The following PCNX1 variants were observed in gnomAD, a reference collection of about 807,000 sequenced individuals.
PCNX1 encodes pecanex-like protein 1.
Under a neutral mutation model 242.2 loss-of-function variants are expected in PCNX1, and 78 were observed. The ratio of observed to expected loss-of-function variants is 0.32; its 90% CI spans 0.27 to 0.39. The LOEUF is 0.39. Among genes scored for constraint, PCNX1 ranks in the 10% least tolerant of loss-of-function variants. The pLI is 1.00. For synonymous variants in PCNX1, 1,024 were observed against 1,032.9 expected, an observed-to-expected ratio of 0.99 and a Z score of 0.17; for missense variants, 2,581 against 2,856.5, an observed-to-expected ratio of 0.90 and a Z score of 2.20.
rs576984227 is a variant in PCNX1 at position 71,031,751 on chromosome 14, C to A, written c.3559-1678C>A. Reference sequence around the variant, plus strand: ...GATGTTTTCTCTCTCACATCAACGACATTTTTGGGAAACTTCTCAGCCTCT... The same window carrying A: ...GATGTTTTCTCTCTCACATCAACGAAATTTTTGGGAAACTTCTCAGCCTCT... On this transcript the variant is annotated intron_variant, in intron 16 of 35. Coordinates refer to ENST00000304743, the MANE Select transcript of PCNX1 (RefSeq NM_014982.3). 8 of 1,262,324 alleles carry A rather than the reference C, an allele frequency of 6.3e-6. No homozygotes were observed. In the African/African-American group the frequency reaches 1.2e-4, roughly 18 times the overall value. 78.2% of individuals were successfully genotyped at this position (1,262,324 alleles called of 1,614,324 possible). A position where few individuals can be genotyped will look rare whatever the true frequency, so the allele number is the denominator to read the frequency against.
intron 16 of PCNX1, chr14:71,031,713 G>T: frequency 1.1e-6 from 1 of 946,648 alleles, no homozygotes; most frequent in Non-Finnish European, 1.7e-6. Flanking sequence ...AGTGGCCTTT[G>T]GCCTTGAACT....
intron 25 of PCNX1, 108 bp downstream of exon 25, chr14:71,055,670 T>C (rs1330701029): frequency 9.7e-6 from 6 of 619,646 alleles, no homozygotes; most frequent in Middle Eastern, 4.2e-4. Flanking sequence ...ATCCCAAATA[T>C]TCACTTTTAA....
rs538338681 is a variant in PCNX1, at chr14:70,942,275, A to C, written c.154-4640A>C. Among the ~76,000 whole-genome samples, 29 of 152,304 alleles carry C rather than the reference A, an allele frequency of 1.9e-4. 1 individual carries two copies. The South Asian group carries it at 6.0e-3, about 32-fold the overall frequency. On this transcript the variant is annotated intron_variant, in intron 1 of 35. Transcript: ENST00000304743. Reference sequence around the variant, plus strand: ...TCTTACAACTAAGAATTTTAAACTCAACTCTTTACAGGTCTAACATATTTT... The same window carrying C: ...TCTTACAACTAAGAATTTTAAACTCCACTCTTTACAGGTCTAACATATTTT...
intron 1 of PCNX1, among the ~76,000 whole-genome samples, chr14:70,923,924 C>A (rs1267992824): frequency 6.6e-6 from 1 of 152,096 alleles, no homozygotes; most frequent in Non-Finnish European, 1.5e-5. Context: ...GCTAATACTT[C>A]TGCAGTTTTG....
chr14:71,056,853 A>G (rs563168520), intron 25 of PCNX1, among the ~76,000 whole-genome samples: 1 of 151,774 alleles, frequency 6.6e-6, no homozygotes, highest in South Asian at 2.1e-4. Context: ...TAATTTTTGT[A>G]TTTTTAGTAG....
chr14:71,008,655 C>CAAAAAAAAAAA (rs777494885), intron 8 of PCNX1, among the ~76,000 whole-genome samples: 1 of 32,752 alleles, frequency 3.1e-5, no homozygotes, highest in Non-Finnish European at 7.7e-5. Flanking sequence ...GACTCTGTCT[C>CAAAAAAAAAAA]AAAAAAAAAA....
intron 12 of PCNX1, among the ~76,000 whole-genome samples, chr14:71,022,791 T>C (rs535934736): frequency 5.3e-5 from 8 of 152,250 alleles, no homozygotes; most frequent in African/African-American, 1.7e-4. Flanking sequence ...AGAATTGTTG[T>C]TATAAGTGAA....
Position 71,007,690 on chromosome 14 carries a change from G to A in PCNX1, c.2630-1944G>A, listed in dbSNP as rs1412239446. On this transcript the variant is annotated intron_variant, in intron 8 of 35. Transcript: ENST00000304743. ...TTTCTCTTAATCTAAGTTTAATTAT[G>A]ATAGCAGCACTAATCATTGATTATC... 6.6e-5 allele frequency among the ~76,000 whole-genome samples: 10 copies of A among 152,018 alleles called. No homozygotes were observed. In the East Asian group the frequency reaches 1.7e-3, roughly 26 times the overall value.
At chr14:71,055,145 C>A (rs748147622) in intron 24 of PCNX1, among the ~76,000 whole-genome samples, 10 of 152,302 alleles carry the variant, frequency 6.6e-5, no homozygotes, top group Non-Finnish European at 1.0e-4. Flanking sequence ...AATACATACA[C>A]CTTCCTTTGG....
intron 8 of PCNX1, among the ~76,000 whole-genome samples, chr14:71,006,224 G>A (rs1473313528): frequency 6.7e-6 from 1 of 150,302 alleles, no homozygotes; most frequent in Non-Finnish European, 1.5e-5. Flanking sequence ...CTGGGCTCAA[G>A]CAGTCCTCCC....
intron 28 of PCNX1, among the ~76,000 whole-genome samples, chr14:71,079,070 A>C (rs531078370): frequency 1.5e-4 from 22 of 151,596 alleles, no homozygotes; most frequent in African/African-American, 4.9e-4. Flanking sequence ...TCATTGTTCA[A>C]CTCCCACTTA....
At chr14:71,073,922 T>C in intron 27 of PCNX1, 124 bp downstream of exon 27, 1 of 565,648 alleles carries the variant, frequency 1.8e-6, no homozygotes, top group East Asian at 3.5e-5. Context: ...AGTACTTATT[T>C]AAATTCTCTA....
At chr14:70,988,093 G>A (rs2059052569) in intron 6 of PCNX1, among the ~76,000 whole-genome samples, 1 of 152,158 alleles carries the variant, frequency 6.6e-6, no homozygotes, top group Admixed American at 6.5e-5. Context: ...TAAACTTACT[G>A]CCTTACTCCT....
chr14:70,968,017 G>A (rs1479499294), intron 3 of PCNX1, among the ~76,000 whole-genome samples, 181 bp from the exon 4 acceptor site: 1 of 152,080 alleles, frequency 6.6e-6, no homozygotes, highest in South Asian at 2.1e-4. Context: ...AGCCTGTGCC[G>A]CAGCCAACAG....
chr14:70,962,927 T>G (rs1449345214), intron 3 of PCNX1, among the ~76,000 whole-genome samples: 1 of 152,210 alleles, frequency 6.6e-6, no homozygotes, highest in African/African-American at 2.4e-5. Flanking sequence ...AGCAGATGAT[T>G]TCATTGGGTA....
intron 13 of PCNX1, 76 bp from the exon 14 acceptor site, chr14:71,026,041 A>G: frequency 1.2e-6 from 1 of 859,844 alleles, no homozygotes; most frequent in Non-Finnish European, 1.7e-6. Flanking sequence ...CTTAGAATAA[A>G]GCCATCAGTG....
intron 1 of PCNX1, 131 bp downstream of exon 1, chr14:70,908,134 C>A: frequency 1.3e-6 from 1 of 787,634 alleles, no homozygotes; most frequent in Non-Finnish European, 1.9e-6. Flanking sequence ...GTGAGGCTCC[C>A]CGCCCCCACT....
chr14:71,025,487 A>G (rs2060217322), intron 13 of PCNX1, among the ~76,000 whole-genome samples: 1 of 152,064 alleles, frequency 6.6e-6, no homozygotes, highest in Non-Finnish European at 1.5e-5. Flanking sequence ...GCTAGTAATC[A>G]TTATTGCTAG....
At chr14:70,937,519 C>G (rs552041697) in intron 1 of PCNX1, among the ~76,000 whole-genome samples, 1 of 151,548 alleles carries the variant, frequency 6.6e-6, no homozygotes, top group South Asian at 2.1e-4. Context: ...CAGGACCATG[C>G]TGTTTTGGTT....
Sources: gnomAD v4.1 joint callset for allele counts (sites outside exome capture counted in the v4.1 genomes callset) on GRCh38, gnomAD v4.1.1 for gene constraint, MANE v1.5 for transcripts, NCBI Gene and HGNC (gene_info 2026-07-23, HGNC 2026-07-21) for gene names.